The following CCDC150 variants were observed in gnomAD, a reference collection of about 807,000 sequenced individuals.
CCDC150 encodes the protein coiled-coil domain containing 150.
In CCDC150, 151 loss-of-function variants were observed where a neutral mutation model predicts 156.5. That is an observed-to-expected ratio of 0.97 (90% CI 0.85 to 1.10). The LOEUF is 1.10. CCDC150 is among the 50% of genes least tolerant of loss of function. The pLI is 0.00. For synonymous variants in CCDC150, 452 were observed against 429.4 expected (o/e 1.05, Z -0.65); for missense variants, 1,312 against 1,268.1 (o/e 1.03, Z -0.53).
intron 14 of CCDC150, 139 bp from the exon 15 acceptor site, chr2:196,700,970 A>G: frequency 4.9e-6 from 3 of 615,364 alleles, no homozygotes; most frequent in South Asian, 4.4e-5. Flanking sequence ...GGAAAAGACT[A>G]AAAGCAGCAG....
At chr2:196,708,839 C>T (rs1696876464) in intron 15 of CCDC150, among the ~76,000 whole-genome samples, 1 of 152,158 alleles carries the variant, frequency 6.6e-6, no homozygotes, top group Non-Finnish European at 1.5e-5. Context: ...TTGGCCCCCA[C>T]TCTCTGGCTT....
At chr2:196,716,354 A>G (rs1697499585) in intron 17 of CCDC150, among the ~76,000 whole-genome samples, 1 of 148,724 alleles carries the variant, frequency 6.7e-6, no homozygotes, top group Non-Finnish European at 1.5e-5. Flanking sequence ...ACTGGAAACA[A>G]CTTAAGTGTC....
chr2:196,731,794 A>G (rs1445110243), intron 26 of CCDC150, among the ~76,000 whole-genome samples: 2 of 152,056 alleles, frequency 1.3e-5, no homozygotes, highest in African/African-American at 2.4e-5. Flanking sequence ...ATTACTTCAC[A>G]TCCAAGAAAC....
intron 7 of CCDC150, among the ~76,000 whole-genome samples, chr2:196,669,437 CCT>C (rs1247040730): frequency 1.3e-5 from 2 of 152,174 alleles, no homozygotes; most frequent in African/African-American, 4.8e-5. Flanking sequence ...ATCTGTTTTT[CCT>C]CTGTGTCTCT....
chr2:196,654,056 C>T (rs1202098738), intron 2 of CCDC150, among the ~76,000 whole-genome samples: 1 of 152,100 alleles, frequency 6.6e-6, no homozygotes, highest in Non-Finnish European at 1.5e-5. Context: ...CTTGTGTGAA[C>T]AAAAAGTGAG....
At chr2:196,646,296 A>T in intron 1 of CCDC150, 45 bp from the exon 2 acceptor site, 1 of 1,567,172 alleles carries the variant, frequency 6.4e-7, no homozygotes, top group Non-Finnish European at 8.8e-7. Flanking sequence ...CTATTTTTGA[A>T]CAATAATAGG....
intron 1 of CCDC150, among the ~76,000 whole-genome samples, chr2:196,642,283 G>A (rs1203418238): frequency 1.3e-5 from 2 of 152,142 alleles, no homozygotes; most frequent in Non-Finnish European, 1.5e-5. Context: ...TTTCATGTAA[G>A]ACTGTGCTTC....
chr2:196,655,918 C>T (rs538215449), intron 2 of CCDC150, among the ~76,000 whole-genome samples: 50 of 152,232 alleles, frequency 3.3e-4, no homozygotes, highest in African/African-American at 1.2e-3. Flanking sequence ...CCCGTTCAGG[C>T]TGCCAAAGGT....
At chr2:196,670,466 C>G (rs1414480865) in intron 8 of CCDC150, among the ~76,000 whole-genome samples, 2 of 151,938 alleles carry the variant, frequency 1.3e-5, no homozygotes, top group Non-Finnish European at 2.9e-5. Context: ...CTTTGTCCTT[C>G]CCCATTCTGC....
At chr2:196,711,843 A>G (rs1355018944) in intron 15 of CCDC150, among the ~76,000 whole-genome samples, 2 of 152,090 alleles carry the variant, frequency 1.3e-5, no homozygotes, top group African/African-American at 4.8e-5. Context: ...TTTGAATTAC[A>G]TTAGCCACAA....
Position 196,721,664 on chromosome 2 carries a change from T to G in CCDC150, c.2402T>G (p.Leu801Arg). Residue 801 changes from leucine to arginine, a missense_variant, in exon 21 of 28, where the codon CTT becomes CGT. Transcript: ENST00000389175. ...CAAGAGCAATTGGAAAGCAAAGAAC[T>G]TGAGCGACAGAATTTGGAAACCTTC... ...HIQEQLESKE[L>R]ERQNLETFKD... The G allele has an allele frequency of 2.5e-6, 4 of 1,600,582 alleles. No homozygotes were observed. Among genetic ancestry groups the G allele is most frequent in the Non-Finnish European group, 2.6e-6 (3 of 1,174,318 alleles).
At chr2:196,731,373 G>T (rs886774245) in intron 26 of CCDC150, among the ~76,000 whole-genome samples, 1 of 144,340 alleles carries the variant, frequency 6.9e-6, no homozygotes, top group African/African-American at 2.6e-5. Flanking sequence ...AGCCTTTTGG[G>T]GGGTATTTCA....
chr2:196,686,110 T>A (rs1695112869), intron 13 of CCDC150: 1 of 194,644 alleles, frequency 5.1e-6, no homozygotes, highest in Non-Finnish European at 1.1e-5. Context: ...GCATGTCTTT[T>A]ACACTCATTC....
At chr2:196,709,527 C>T (rs1450059783) in intron 15 of CCDC150, among the ~76,000 whole-genome samples, 1 of 152,212 alleles carries the variant, frequency 6.6e-6, no homozygotes, top group Non-Finnish European at 1.5e-5. Flanking sequence ...AAGTCATTCT[C>T]TGTCCAGCTT....
rs557254156 is a variant in CCDC150 at position 196,693,134 on chromosome 2, C to T, written c.1510-1912C>T. On this transcript the variant is annotated intron_variant, in intron 13 of 27. Coordinates refer to ENST00000389175, the MANE Select transcript of CCDC150 (RefSeq NM_001080539.2). ...TTTTCAGAAACTAGGATTGCAACCC[C>T]TGCTTTTTTCTGTTTTCCATTTGCT... 8.5e-5 allele frequency among the ~76,000 whole-genome samples: 13 copies of T among 152,210 alleles called. No homozygotes were observed. The South Asian group carries it at 2.7e-3, about 32-fold the overall frequency.
Position 196,665,586 on chromosome 2 carries a change from A to G in CCDC150, c.665A>G (p.Gln222Arg). 1 of 1,602,054 alleles carries G rather than the reference A, an allele frequency of 6.2e-7. No homozygotes were observed. The highest frequency in any genetic ancestry group is 8.5e-7 in the Non-Finnish European group (1 of 1,174,220). Residue 222 changes from glutamine (Q) to arginine (R), a missense_variant, in exon 6 of 28, where the codon CAG becomes CGG. Gln to Arg is a conservative substitution (Grantham distance 43, BLOSUM62 1). Transcript: ENST00000389175. ...KIQELRRQLA[Q>R]EKYLRESLEK... is the part of the protein sequence containing the mutation. ...TTGTAGCTAAGGAGACAACTGGCTC[A>G]GGAGAAGTACCTTAGGGAATCTTTA...
chr2:196,672,142 G>A (rs114398504), intron 8 of CCDC150, among the ~76,000 whole-genome samples: 1,726 of 152,208 alleles, frequency 0.011, 30 homozygotes, highest in African/African-American at 0.04. Flanking sequence ...AAACAGTTTT[G>A]ATAAATAGTT....
intron 11 of CCDC150, 104 bp from the exon 12 acceptor site, chr2:196,676,450 C>T: frequency 7.7e-7 from 1 of 1,302,728 alleles, no homozygotes; most frequent in East Asian, 2.3e-5. Flanking sequence ...ATTTTGGTAA[C>T]TACTCTCAGT....
chr2:196,667,219 A>G, intron 7 of CCDC150: 1 of 258,522 alleles, frequency 3.9e-6, no homozygotes, highest in Non-Finnish European at 7.6e-6. Flanking sequence ...TTGATGACTT[A>G]TGGATTCTGT....
Sources: gnomAD v4.1 joint callset for allele counts (sites outside exome capture counted in the v4.1 genomes callset) on GRCh38, gnomAD v4.1.1 for gene constraint, MANE v1.5 for transcripts, NCBI Gene and HGNC (gene_info 2026-07-23, HGNC 2026-07-21) for gene names.